ORC1: variants seen among roughly 807,000 people sequenced by gnomAD.
ORC1 encodes the protein origin recognition complex, subunit 1 homolog.
ORC1 carries 61 observed loss-of-function variants against 98.9 expected under a neutral mutation model. That is an observed-to-expected ratio of 0.62 (90% CI 0.50 to 0.76). The LOEUF (loss-of-function observed/expected upper bound fraction) is 0.76. ORC1 is among the 30% of genes least tolerant of loss of function. The pLI is 0.00. For missense variants in ORC1, 979 were observed against 1,072.2 expected (o/e 0.91, Z 1.21); for synonymous variants, 385 against 406.9 (o/e 0.95, Z 0.65).
chr1:52,401,551 C>T, intron 2 of ORC1, 62 bp from the exon 3 acceptor site: 1 of 1,590,938 alleles, frequency 6.3e-7, no homozygotes. Context: ...TCTTCAGATC[C>T]CCTGGGCACA....
At chr1:52,397,092 A>G (rs1416020811) in intron 4 of ORC1, among the ~76,000 whole-genome samples, 1 of 152,186 alleles carries the variant, frequency 6.6e-6, no homozygotes, top group East Asian at 1.9e-4. Context: ...ACTCAAAGAT[A>G]AATTAAGATA....
chr1:52,402,578 GAC>G (rs1475989414), intron 1 of ORC1, among the ~76,000 whole-genome samples: 2 of 152,218 alleles, frequency 1.3e-5, no homozygotes, highest in African/African-American at 2.4e-5. Context: ...GAAATTAAAA[GAC>G]AGTGATACAG....
chr1:52,374,629 C>T lies in ORC1; in HGVS notation c.2391+181G>A, dbSNP rs12046402. On this transcript the variant is annotated intron_variant, in intron 16 of 16. Coordinates refer to ENST00000371568, the MANE Select transcript of ORC1 (RefSeq NM_004153.4). Reference sequence around the variant, plus strand: ...TTCAATCTAACATGCAGAAACCAGTCGCTAAAGGTCTCTTCTCATGCAGCT... The same window carrying T: ...TTCAATCTAACATGCAGAAACCAGTTGCTAAAGGTCTCTTCTCATGCAGCT... 3.2e-3 allele frequency among the ~76,000 whole-genome samples: 489 copies of T among 152,306 alleles called. 9 individuals are homozygous for T. The East Asian group carries it at 0.048, about 15-fold the overall frequency.
At chr1:52,374,996 A>T in intron 15 of ORC1, 99 bp from the exon 16 acceptor site, 2 of 760,732 alleles carry the variant, frequency 2.6e-6, no homozygotes. Flanking sequence ...GAAAAGAGAA[A>T]ACCCGGGAAA....
intron 6 of ORC1, among the ~76,000 whole-genome samples, chr1:52,389,756 T>C (rs561286270): frequency 3.3e-5 from 5 of 152,366 alleles, no homozygotes; most frequent in Admixed American, 2.6e-4. Context: ...TAGCAAATAC[T>C]ACAAATTGTA....
chr1:52,408,874 G>A (rs1244508095), upstream of ORC1: 2 of 603,870 alleles, frequency 3.3e-6, no homozygotes, highest in Non-Finnish European at 2.7e-6. Flanking sequence ...GCTTCGTGTT[G>A]GCCTTACCCA....
At chr1:52,402,605 TTCATGACGCTTA>T (rs1352172108) in intron 1 of ORC1, among the ~76,000 whole-genome samples, 1 of 152,230 alleles carries the variant, frequency 6.6e-6, no homozygotes, top group Non-Finnish European at 1.5e-5. Context: ...TGTAAATGTC[TTCATGACGCTTA>T]TAAAATGCAC....
intron 6 of ORC1, among the ~76,000 whole-genome samples, chr1:52,392,580 CATT>C (rs1396444049): frequency 6.6e-6 from 1 of 151,998 alleles, no homozygotes; most frequent in African/African-American, 2.4e-5. Flanking sequence ...GAAAAGAAGT[CATT>C]ATATTAAAAA....
chr1:52,397,135 T>C (rs180977475), intron 4 of ORC1, among the ~76,000 whole-genome samples: 4 of 152,214 alleles, frequency 2.6e-5, no homozygotes, highest in Admixed American at 2.6e-4. Flanking sequence ...ACCCTAACGC[T>C]CAATGAACCA....
upstream of ORC1, chr1:52,404,462 C>G (rs1557589377): frequency 1.6e-5 from 5 of 320,306 alleles, no homozygotes; most frequent in Non-Finnish European, 2.9e-5. Context: ...TGGCCCCGCC[C>G]CCAGACCGTC....
intron 4 of ORC1, 97 bp from the exon 5 acceptor site, chr1:52,396,461 A>G: frequency 1.4e-6 from 2 of 1,451,270 alleles, no homozygotes; most frequent in Non-Finnish European, 1.9e-6. Context: ...TGAAGTCCAC[A>G]TCTGTACCTA....
chr1:52,388,397 A>G (rs1414208765), intron 8 of ORC1, 45 bp downstream of exon 8: 1 of 1,501,476 alleles, frequency 6.7e-7, no homozygotes, highest in Non-Finnish European at 9.3e-7. Flanking sequence ...CTTTTAAACT[A>G]AGAGAGGGAT....
intron 1 of ORC1, among the ~76,000 whole-genome samples, chr1:52,402,834 C>T (rs1270464352): frequency 6.6e-6 from 1 of 151,984 alleles, no homozygotes; most frequent in East Asian, 1.9e-4. Flanking sequence ...GAGGTGGAGG[C>T]TGCAGTGAGC....
chr1:52,395,294 A>G (rs1647343207), intron 5 of ORC1, among the ~76,000 whole-genome samples: 1 of 152,178 alleles, frequency 6.6e-6, no homozygotes. Flanking sequence ...AGGTATACAT[A>G]TATGTATATG....
intron 14 of ORC1, among the ~76,000 whole-genome samples, chr1:52,379,256 T>C (rs1647032063): frequency 6.7e-6 from 1 of 150,212 alleles, no homozygotes; most frequent in South Asian, 2.1e-4. Context: ...TTTTTTTTTT[T>C]TTTCTGAGAC....
chr1:52,394,424 A>G (rs1397480561), intron 5 of ORC1, among the ~76,000 whole-genome samples: 1 of 152,230 alleles, frequency 6.6e-6, no homozygotes, highest in African/African-American at 2.4e-5. Context: ...AATGAGGCTC[A>G]ATCCTGGTTC....
chr1:52,387,918 C>T (rs1000500335), intron 8 of ORC1, among the ~76,000 whole-genome samples: 1 of 152,234 alleles, frequency 6.6e-6, no homozygotes, highest in African/African-American at 2.4e-5. Flanking sequence ...CAAGCACATT[C>T]GAACATGAGA....
upstream of ORC1, among the ~76,000 whole-genome samples, chr1:52,406,180 G>T (rs989046932): frequency 2.0e-5 from 3 of 152,106 alleles, no homozygotes; most frequent in African/African-American, 4.8e-5. Flanking sequence ...GTAGAGATGG[G>T]GTTTCACCAT....
chr1:52,407,071 G>A (rs1198084401), upstream of ORC1, among the ~76,000 whole-genome samples: 1 of 152,234 alleles, frequency 6.6e-6, no homozygotes, highest in Non-Finnish European at 1.5e-5. Context: ...AGGCTGGAGT[G>A]CAGTGGCGCA....
Sources: gnomAD v4.1 joint callset for allele counts (sites outside exome capture counted in the v4.1 genomes callset) on GRCh38, gnomAD v4.1.1 for gene constraint, MANE v1.5 for transcripts, NCBI Gene and HGNC (gene_info 2026-07-23, HGNC 2026-07-21) for gene names.